ADAMTS13: variants seen among roughly 807,000 people sequenced by gnomAD.
ADAMTS13 encodes A disintegrin and metalloproteinase with thrombospondin motifs 13.
In ADAMTS13, 110 loss-of-function variants were observed where a neutral mutation model predicts 155.1. The ratio of observed to expected loss-of-function variants is 0.71; its 90% CI spans 0.61 to 0.83. The LOEUF (loss-of-function observed/expected upper bound fraction) is 0.83, where lower values mean the gene tolerates loss of function less well. Ranked by LOEUF, ADAMTS13 falls within the 40% of genes least tolerant of loss-of-function variation. ADAMTS13 has a pLI of 0.00. For missense variants in ADAMTS13, 1,707 were observed against 1,891.7 expected (o/e 0.90, Z 1.81); for synonymous variants, 758 against 756.4 (o/e 1.00, Z -0.03).
rs1554789226 is a variant in ADAMTS13 at position 133,436,915 on chromosome 9, C to T, written c.1395C>T (p.Ala465=). 6.3e-7 allele frequency: 1 copy of T among 1,591,026 alleles called. No individual in the cohort carries two copies. The highest frequency in any genetic ancestry group is 1.8e-5 in the Admixed American group (1 of 56,234). The stretch of plus-strand genomic sequence containing the variant: ...CGCTGCGCTCCTCCCCTGGCGGCGC[C>T]TCCTTCTACCACTGGGGTGCTGCTG... ...GQPLRSSPGG[A]SFYHWGAAVP... is the part of the protein sequence containing the mutation. Residue 465 remains alanine (A), a synonymous_variant, in exon 12 of 29, where the codon GCC becomes GCT. Transcript: ENST00000355699.
chr9:133,447,559 GC>G (rs1554793027), intron 21 of ADAMTS13, among the ~76,000 whole-genome samples: 1 of 152,056 alleles, frequency 6.6e-6, no homozygotes, highest in Non-Finnish European at 1.5e-5. Context: ...GAGCCACTGT[GC>G]CCAACCAAGA....
intron 23 of ADAMTS13, among the ~76,000 whole-genome samples, chr9:133,451,968 G>T (rs1268147935): frequency 1.3e-5 from 2 of 148,570 alleles, no homozygotes; most frequent in African/African-American, 2.5e-5. Context: ...TTTGGAGTAT[G>T]TTGCAAAGTA....
Position 133,425,492 on chromosome 9 carries a change from A to G in ADAMTS13, c.331-37A>G. ...CAGCTGCCTGGGGCTGGCAATGCCCACCCGACGGGTTACCTCTCTCATCTG... is the reference window on the plus strand; with the variant it reads ...CAGCTGCCTGGGGCTGGCAATGCCCGCCCGACGGGTTACCTCTCTCATCTG... On this transcript the variant is annotated intron_variant, in intron 3 of 28. Transcript: ENST00000355699. This position sits in a 1 kb window ranked among gnomAD's most constrained non-coding sequence, Gnocchi z 4.6. The G allele has an allele frequency of 6.3e-7, 1 of 1,587,018 alleles. No homozygotes were observed. The highest frequency in any genetic ancestry group is 8.6e-7 in the Non-Finnish European group (1 of 1,164,736).
Position 133,438,328 on chromosome 9 carries a change from G to T in ADAMTS13, c.1667G>T (p.Ser556Ile). 1.2e-6 allele frequency: 2 copies of T among 1,614,114 alleles called. No individual in the cohort carries two copies. The highest frequency in any genetic ancestry group is 1.7e-6 in the Non-Finnish European group (2 of 1,180,018). The change falls in exon 14 of 29, where the codon AGC (serine) becomes ATC (isoleucine). Residue 556 changes from serine to isoleucine, a missense_variant. This residue lies in a region of ADAMTS13 where 961 missense variants were observed against 1,107.9 expected (regional missense o/e 0.87). Transcript: ENST00000355699. ...QVCGGDNSTC[S>I]PRKGSFTAGR... is the part of the protein sequence containing the mutation. ...TGTGGTGGGGACAACAGCACGTGCA[G>T]CCCACGGAAGGGCTCTTTCACAGCT... is the stretch of plus-strand genomic sequence containing the variant.
chr9:133,425,843 G>A lies in ADAMTS13; in HGVS notation c.415-95G>A. ...ATCCCTAACACGGGCTAGTCATAGG[G>A]TTGTTAGGAGGACTAACTGGGAAAC... On this transcript the variant is annotated intron_variant, in intron 4 of 28. Transcript: ENST00000355699. This position sits in a 1 kb window ranked among gnomAD's most constrained non-coding sequence, Gnocchi z 4.6. 6.4e-7 allele frequency: 1 copy of A among 1,570,590 alleles called. No individual in the cohort carries two copies. Among genetic ancestry groups the A allele is most frequent in the Non-Finnish European group, 8.6e-7 (1 of 1,160,536 alleles).
In ADAMTS13 at chr9:133,425,413, G is replaced by C. The variant is rs1554784955; in HGVS notation, c.331-116G>C. The C allele has an allele frequency of 3.6e-6, 3 of 830,196 alleles. No individual in the cohort carries two copies. Among genetic ancestry groups the C allele is most frequent in the African/African-American group, 3.4e-5 (2 of 59,148 alleles). The allele number at this position is 830,196 out of a possible 1,614,324, so 51.4% of individuals were successfully genotyped here. A position where few individuals can be genotyped will look rare whatever the true frequency, so the allele number is the denominator to read the frequency against. On this transcript the variant is annotated intron_variant, in intron 3 of 28. Transcript: ENST00000355699. This position sits in a 1 kb window ranked among gnomAD's most constrained non-coding sequence, Gnocchi z 4.6. Reference sequence around the variant, plus strand: ...CCCGCCCCGCCCGGTTCCCACACATGCTGGTGGAGTAGCCTCTCCAGCTCT... The same window carrying C: ...CCCGCCCCGCCCGGTTCCCACACATCCTGGTGGAGTAGCCTCTCCAGCTCT...
intron 7 of ADAMTS13, chr9:133,429,710 C>T: frequency 1.4e-6 from 1 of 703,940 alleles, no homozygotes; most frequent in East Asian, 2.7e-5. Context: ...ACCCGTCCCT[C>T]CGTCGCCGCT....
chr9:133,416,727 C>CTGGT (rs1839636138), intron 1 of ADAMTS13, among the ~76,000 whole-genome samples: 1 of 152,252 alleles, frequency 6.6e-6, no homozygotes, highest in African/African-American at 2.4e-5. Flanking sequence ...AGTCAGCCAC[C>CTGGT]TGGTTCCCAG....
chr9:133,456,640 G>C lies in ADAMTS13; in HGVS notation c.3645G>C (p.Val1215=). 1 of 1,610,200 alleles carries C rather than the reference G, an allele frequency of 6.2e-7. No homozygotes were observed. ...TFSSKTNTLV[V]RQRCGRPGGG... is the part of the protein sequence containing the mutation. ...GCTCCAAGACCAACACGCTGGTGGT[G>C]AGGCAGCGCTGCGGGCGGCCAGGAG... The change falls in exon 27 of 29, where the codon GTG becomes GTC. Residue 1215 remains valine (V), a synonymous_variant. Coordinates refer to ENST00000355699, the MANE Select transcript of ADAMTS13 (RefSeq NM_139027.6). This position sits in a 1 kb window ranked among gnomAD's most constrained non-coding sequence, Gnocchi z 4.4.
chr9:133,449,443 C>T (rs587766206), intron 22 of ADAMTS13, among the ~76,000 whole-genome samples: 1 of 118,672 alleles, frequency 8.4e-6, no homozygotes, highest in Non-Finnish European at 1.7e-5. Context: ...GAGGGGAGGG[C>T]TGGCGGGGTG....
At chr9:133,414,710 T>G in intron 1 of ADAMTS13, 1 of 1,614,144 alleles carries the variant, frequency 6.2e-7, no homozygotes, top group Non-Finnish European at 8.5e-7. Flanking sequence ...CCGCTTCTTA[T>G]GCTCGATGTC....
upstream of ADAMTS13, chr9:133,421,904 C>G (rs1839976964): frequency 6.4e-6 from 1 of 156,928 alleles, no homozygotes; most frequent in Non-Finnish European, 1.4e-5. Context: ...GATTGCCAGG[C>G]CGTTTGTGAT....
chr9:133,449,697 G>C (rs1047780976), intron 22 of ADAMTS13, 86 bp from the exon 23 acceptor site: 2 of 1,505,948 alleles, frequency 1.3e-6, no homozygotes, highest in African/African-American at 2.7e-5. Context: ...TCTCTTCCTA[G>C]TCTGGGGAAA....
At chr9:133,438,106 G>A in intron 13 of ADAMTS13, 140 bp from the exon 14 acceptor site, 1 of 1,513,036 alleles carries the variant, frequency 6.6e-7, no homozygotes, top group Non-Finnish European at 9.1e-7. Context: ...CTCTAAGCTT[G>A]CTTCCTGTGT....
At chr9:133,454,027 A>C (rs1842598173) in intron 23 of ADAMTS13, among the ~76,000 whole-genome samples, 1 of 152,134 alleles carries the variant, frequency 6.6e-6, no homozygotes, top group Non-Finnish European at 1.5e-5. Context: ...CCCTTGCCCA[A>C]GGGAAGGGAA....
At position 133,422,433 on chromosome 9, in the gene ADAMTS13, C is replaced by A. The variant is rs782244801; in HGVS notation, c.-11C>A. The stretch of plus-strand genomic sequence containing the variant: ...CACTCCGCTCCACTCCTCGGGCTGG[C>A]TCTCCTGAGGATGCACCAGCGTCAC... On this transcript the variant is annotated 5_prime_UTR_variant, in exon 1 of 29. Coordinates refer to ENST00000355699, the MANE Select transcript of ADAMTS13 (RefSeq NM_139027.6). 1 of 1,612,350 alleles carries A rather than the reference C, an allele frequency of 6.2e-7. No individual in the cohort carries two copies. Among genetic ancestry groups the A allele is most frequent in the Admixed American group, 1.7e-5 (1 of 60,028 alleles).
chr9:133,448,358 G>A lies in ADAMTS13; in HGVS notation c.2732-241G>A, dbSNP rs79668261. On this transcript the variant is annotated intron_variant, in intron 21 of 28. Transcript: ENST00000355699. Reference sequence around the variant, plus strand: ...AGTGTCTACTGTGTGCCAGGCACTTGTTATCTTCCCTTTTAAAAATCTTTA... The same window carrying A: ...AGTGTCTACTGTGTGCCAGGCACTTATTATCTTCCCTTTTAAAAATCTTTA... 1.8e-3 allele frequency among the ~76,000 whole-genome samples: 269 copies of A among 152,316 alleles called. 4 individuals are homozygous for A. In the East Asian group the frequency reaches 0.048, roughly 27 times the overall value.
At chr9:133,436,776 A>AGGGGGG in intron 11 of ADAMTS13, 53 bp from the exon 12 acceptor site, 1 of 715,604 alleles carries the variant, frequency 1.4e-6, no homozygotes, top group Non-Finnish European at 2.2e-6. Context: ...CCCAGTGACA[A>AGGGGGG]CACCCGCCCC....
rs1424353854 is a variant in ADAMTS13 at position 133,425,204 on chromosome 9, AATCTGAGAGGAGCCTGCG to A, written c.331-311_331-294del. ...GCTGGGCATGGTGGCAGGCGCCTGTAATCTGAGAGGAGCCTGCGATCTGAGAGGAGCAGCGTTTGACCG... is the reference window on the plus strand; with the variant it reads ...GCTGGGCATGGTGGCAGGCGCCTGTAATCTGAGAGGAGCAGCGTTTGACCG... On this transcript the variant is annotated intron_variant, in intron 3 of 28. Coordinates refer to ENST00000355699, the MANE Select transcript of ADAMTS13 (RefSeq NM_139027.6). This position sits in a 1 kb window ranked among gnomAD's most constrained non-coding sequence, Gnocchi z 4.6. Among the ~76,000 whole-genome samples, 4 of 152,210 alleles carry A rather than the reference AATCTGAGAGGAGCCTGCG, an allele frequency of 2.6e-5. No homozygotes were observed. The highest frequency in any genetic ancestry group is 6.5e-5 in the Admixed American group (1 of 15,278).
Sources: allele counts gnomAD v4.1 joint callset (sites outside exome capture counted in the v4.1 genomes callset), GRCh38; gene constraint gnomAD v4.1.1; regional missense constraint gnomAD v4.1.1; non-coding constraint Gnocchi (gnomAD v3.1); transcripts MANE v1.5; gene names NCBI Gene and HGNC (gene_info 2026-07-23, HGNC 2026-07-21).